Variants in DOCK4 observed in about 807,000 individuals in gnomAD.
DOCK4 encodes the protein dedicator of cytokinesis 4.
In DOCK4, 97 loss-of-function variants were observed where a neutral mutation model predicts 268.1. That is an observed-to-expected ratio of 0.36 (90% CI 0.31 to 0.43). The LOEUF is 0.43. Ranked by LOEUF, DOCK4 falls within the 20% of genes least tolerant of loss-of-function variation. The pLI is 1.00. For synonymous variants in DOCK4, 954 were observed against 887.2 expected, an observed-to-expected ratio of 1.08 and a Z score of -1.34; for missense variants, 2,145 against 2,455.7, an observed-to-expected ratio of 0.87 and a Z score of 2.67.
intron 8 of DOCK4, among the ~76,000 whole-genome samples, chr7:111,954,343 T>C (rs1010037755): frequency 2.0e-5 from 3 of 152,140 alleles, no homozygotes; most frequent in African/African-American, 7.2e-5. Flanking sequence ...GTGCTGGCAG[T>C]TCTGCAGTGG....
chr7:112,084,030 G>A (rs1286222241), intron 1 of DOCK4, among the ~76,000 whole-genome samples: 2 of 152,142 alleles, frequency 1.3e-5, no homozygotes, highest in Non-Finnish European at 2.9e-5. Context: ...GAATAGCTTC[G>A]CTGGTTTGCT....
chr7:111,800,329 A>G (rs545227838), intron 30 of DOCK4, among the ~76,000 whole-genome samples: 15 of 152,184 alleles, frequency 9.9e-5, no homozygotes, highest in Non-Finnish European at 2.1e-4. Context: ...CTATAAAAAA[A>G]TTAATAAATT....
At chr7:111,802,668 G>C (rs907823904) in intron 30 of DOCK4, among the ~76,000 whole-genome samples, 1 of 152,018 alleles carries the variant, frequency 6.6e-6, no homozygotes, top group Non-Finnish European at 1.5e-5. Context: ...ACTTGCTTGA[G>C]TACTTTTGAA....
At chr7:112,154,518 C>T (rs1351055243) in intron 1 of DOCK4, among the ~76,000 whole-genome samples, 2 of 152,250 alleles carry the variant, frequency 1.3e-5, no homozygotes, top group Admixed American at 6.5e-5. Context: ...TGTCCTTCCA[C>T]GCTTAACAAG....
chr7:112,162,340 C>G (rs1479088639), intron 1 of DOCK4, among the ~76,000 whole-genome samples: 2 of 151,942 alleles, frequency 1.3e-5, no homozygotes, highest in African/African-American at 2.4e-5. Context: ...GTACCCCAGC[C>G]CCCTTGCCTC....
intron 26 of DOCK4, 110 bp from the exon 27 acceptor site, chr7:111,822,566 T>C: frequency 3.1e-6 from 3 of 956,532 alleles, no homozygotes; most frequent in Non-Finnish European, 4.7e-6. Flanking sequence ...AAAGCAATTA[T>C]AGAGAAGGGA....
chr7:111,813,186 G>C (rs1300363405), intron 27 of DOCK4, among the ~76,000 whole-genome samples: 1 of 152,168 alleles, frequency 6.6e-6, no homozygotes, highest in Non-Finnish European at 1.5e-5. Flanking sequence ...CATGTGTAAT[G>C]AGTGTGTGAT....
intron 13 of DOCK4, among the ~76,000 whole-genome samples, chr7:111,913,686 G>A (rs1044346629): frequency 2.0e-5 from 3 of 151,616 alleles, no homozygotes; most frequent in African/African-American, 7.3e-5. Context: ...TGGGATTACA[G>A]GCATGAGCCA....
intron 1 of DOCK4, among the ~76,000 whole-genome samples, chr7:112,109,692 G>A (rs999200241): frequency 6.6e-6 from 1 of 151,918 alleles, no homozygotes; most frequent in Non-Finnish European, 1.5e-5. Context: ...TGAGTAGCCA[G>A]AGTCCATTTC....
chr7:111,807,097 T>G (rs62472920), intron 30 of DOCK4, among the ~76,000 whole-genome samples: 8,011 of 152,272 alleles, frequency 0.053, 288 homozygotes, highest in Non-Finnish European at 0.084. Context: ...TAGATGGCAA[T>G]GCTGAGATGT....
intron 1 of DOCK4, among the ~76,000 whole-genome samples, chr7:112,095,891 G>A (rs749542478): frequency 1.3e-5 from 2 of 152,126 alleles, no homozygotes; most frequent in Non-Finnish European, 2.9e-5. Context: ...AGACTAGCCT[G>A]ACCAACAAGG....
At chr7:111,931,394 T>C (rs1794186522) in intron 12 of DOCK4, among the ~76,000 whole-genome samples, 1 of 152,302 alleles carries the variant, frequency 6.6e-6, no homozygotes, top group East Asian at 1.9e-4. Context: ...TCTCACTATC[T>C]GGTAGGGTTT....
chr7:111,809,923 GT>G (rs1484201800), intron 28 of DOCK4, among the ~76,000 whole-genome samples: 1 of 150,068 alleles, frequency 6.7e-6, no homozygotes, highest in Non-Finnish European at 1.5e-5. Flanking sequence ...AATCTTTTAA[GT>G]TTTCTTATAC....
chr7:112,170,870 T>C (rs1042508572), intron 1 of DOCK4, among the ~76,000 whole-genome samples: 1 of 152,140 alleles, frequency 6.6e-6, no homozygotes, highest in Non-Finnish European at 1.5e-5. Context: ...GTACCATATA[T>C]GATAAAAAAA....
chr7:112,203,460 T>C (rs1304029780), intron 1 of DOCK4, among the ~76,000 whole-genome samples: 1 of 152,192 alleles, frequency 6.6e-6, no homozygotes, highest in Non-Finnish European at 1.5e-5. Context: ...TTTACCCATG[T>C]TTACAGTATG....
At chr7:111,950,602 G>C (rs2134871187) in intron 8 of DOCK4, among the ~76,000 whole-genome samples, 1 of 152,136 alleles carries the variant, frequency 6.6e-6, no homozygotes, top group East Asian at 1.9e-4. Context: ...CAATCTTTTA[G>C]GACAAAATAG....
intron 12 of DOCK4, among the ~76,000 whole-genome samples, chr7:111,927,420 T>C (rs559722820): frequency 1.2e-4 from 18 of 152,326 alleles, no homozygotes; most frequent in East Asian, 5.8e-4. Context: ...TTTACTTTCA[T>C]TGAGTCTTAA....
rs79395155 is a variant in DOCK4, at chr7:111,955,559, G to C, written c.702-9761C>G. ...CAAGCCAATTCTTTCTTACTAGTCA[G>C]GATGATTATTGTGTACAATATTCTC... On this transcript the variant is annotated intron_variant, in intron 8 of 52. Transcript: ENST00000428084. 5.7e-3 allele frequency among the ~76,000 whole-genome samples: 868 copies of C among 152,210 alleles called. 12 individuals carry two copies. The highest frequency in any genetic ancestry group is 0.02 in the African/African-American group (839 of 41,528).
At chr7:112,090,788 T>C (rs1039391702) in intron 1 of DOCK4, among the ~76,000 whole-genome samples, 8 of 152,188 alleles carry the variant, frequency 5.3e-5, no homozygotes, top group Non-Finnish European at 5.9e-5. Context: ...ACTGTGACCA[T>C]TGAGACAGAA....
Sources: gnomAD v4.1 joint callset for allele counts (sites outside exome capture counted in the v4.1 genomes callset) on GRCh38, gnomAD v4.1.1 for gene constraint, MANE v1.5 for transcripts, NCBI Gene and HGNC (gene_info 2026-07-23, HGNC 2026-07-21) for gene names.